Variants in CATSPER1 observed in about 807,000 individuals in gnomAD.
The protein encoded by CATSPER1 is cation channel sperm associated 1.
A neutral mutation model predicts 72.7 loss-of-function variants in CATSPER1; 57 were observed. The observed-to-expected ratio is 0.78, with a 90% CI of 0.63 to 0.98. The LOEUF (loss-of-function observed/expected upper bound fraction) is 0.98, where lower values mean the gene tolerates loss of function less well. Among genes scored for constraint, CATSPER1 ranks in the 50% least tolerant of loss-of-function variants. The probability of loss-of-function intolerance (pLI) is 0.00; values close to 1 mark genes in which losing one functional copy is unlikely to be tolerated. For synonymous variants in CATSPER1, 363 were observed against 403.0 expected (o/e 0.90, Z 1.19); for missense variants, 910 against 1,033.9 (o/e 0.88, Z 1.64).
intron 5 of CATSPER1, 21 bp downstream of exon 5, chr11:66,021,073 G>T (rs1282207206): frequency 1.2e-6 from 2 of 1,603,496 alleles, no homozygotes; most frequent in Non-Finnish European, 1.7e-6. Flanking sequence ...CCCCACCCCA[G>T]CCCCTGCAGC....
rs764683817 is a variant in CATSPER1, at chr11:66,018,887, G to A, written c.2141C>T (p.Ala714Val). Residue 714 changes from alanine (A) to valine (V), a missense_variant, in exon 10 of 12, where the codon GCG becomes GTG. Transcript: ENST00000312106. ...CCGCTTCAGCATGGTGCCTTCACTCGCCACCTCTTTGGGCTCTGGATGTAG... is the reference window on the plus strand; with the variant it reads ...CCGCTTCAGCATGGTGCCTTCACTCACCACCTCTTTGGGCTCTGGATGTAG... ...ELRAAEPKEV[A>V]SEGTMLKRLI... 1.2e-5 allele frequency: 20 copies of A among 1,613,704 alleles called. No individual in the cohort carries two copies. In the East Asian group the frequency reaches 2.7e-4, roughly 22 times the overall value.
rs561672366 is a variant in CATSPER1 at position 66,026,248 on chromosome 11, C to G, written c.132G>C (p.Glu44Asp). Residue 44 changes from glutamate to aspartate, a missense_variant, in exon 1 of 12, where the codon GAG becomes GAC. Physicochemically the swap from Glu to Asp is conservative, Grantham distance 45. Coordinates refer to ENST00000312106, the MANE Select transcript of CATSPER1 (RefSeq NM_053054.4). Reference sequence around the variant, plus strand: ...GGTGGGGCACGCCGTGATGGTGCAACTCGTAATGGTGGAGAGCTCTGCTGT... The same window carrying G: ...GGTGGGGCACGCCGTGATGGTGCAAGTCGTAATGGTGGAGAGCTCTGCTGT... ...PGHSRALHHY[E>D]LHHHGVPHQR... 19 of 1,614,018 alleles carry G rather than the reference C, an allele frequency of 1.2e-5. No homozygotes were observed. The African/African-American group carries it at 1.5e-4, about 12-fold the overall frequency.
Position 66,021,082 on chromosome 11 carries a change from G to A in CATSPER1, c.1783+12C>T. ...TCAGGCCCCCACCCCAGCCCCTGCA[G>A]CACCAGGATACAGAGGCAGGTAAAC... On this transcript the variant is annotated intron_variant, in intron 5 of 11. Transcript: ENST00000312106. 1 of 1,609,484 alleles carries A rather than the reference G, an allele frequency of 6.2e-7. No individual in the cohort carries two copies. The highest frequency in any genetic ancestry group is 1.1e-5 in the South Asian group (1 of 90,384).
At position 66,020,914 on chromosome 11, in the gene CATSPER1, A is replaced by G. The variant is rs1234548702; in HGVS notation, c.1824T>C (p.Ser608=). The change falls in exon 6 of 12, where the codon TCT becomes TCC. Residue 608 remains serine, a synonymous_variant. Transcript: ENST00000312106. This position sits in a 1 kb window ranked among gnomAD's most constrained non-coding sequence, Gnocchi z 4.5. ...SAVLRALFRK[S]DPKRFQNIFT... is the part of the protein sequence containing the mutation. ...AGATGTTCTGGAAGCGCTTGGGGTC[A>G]GATTTGCGGAACAGTGCCCGGAGGA... 6.2e-7 allele frequency: 1 copy of G among 1,613,986 alleles called. No homozygotes were observed. The highest frequency in any genetic ancestry group is 1.3e-5 in the African/African-American group (1 of 74,912).
Position 66,026,335 on chromosome 11 carries a change from G to A in CATSPER1, c.45C>T (p.Asp15=), listed in dbSNP as rs375962573. ...SVPEKAQNEA[D]TNNADRFFRS... ...GAAAGAACCTATCTGCGTTATTGGT[G>A]TCTGCCTCATTCTGAGCCTTTTCAG... The change falls in exon 1 of 12, where the codon GAC becomes GAT. Residue 15 remains aspartate (D), a synonymous_variant. Transcript: ENST00000312106. The A allele has an allele frequency of 1.2e-6, 2 of 1,614,156 alleles. No individual in the cohort carries two copies. Among genetic ancestry groups the A allele is most frequent in the Admixed American group, 1.7e-5 (1 of 60,030 alleles).
At position 66,020,779 on chromosome 11, in the gene CATSPER1, C is replaced by T. The variant is rs763720631; in HGVS notation, c.1927+32G>A. On this transcript the variant is annotated intron_variant, in intron 6 of 11. Transcript: ENST00000312106. This position sits in a 1 kb window ranked among gnomAD's most constrained non-coding sequence, Gnocchi z 4.5. ...CTGGCCGGTCCACCCCGCCAATCCC[C>T]GGCCCTCCCTGCAGCCTGGGGCCTG... The T allele has an allele frequency of 2.0e-5, 33 of 1,613,310 alleles. No homozygotes were observed. The highest frequency in any genetic ancestry group is 2.4e-5 in the Non-Finnish European group (28 of 1,179,912).
chr11:66,026,479 T>C lies in CATSPER1; in HGVS notation c.-100A>G. The C allele has an allele frequency of 6.3e-7, 1 of 1,584,574 alleles. No homozygotes were observed. The highest frequency in any genetic ancestry group is 8.6e-7 in the Non-Finnish European group (1 of 1,169,382). Reference sequence around the variant, plus strand: ...TTCCTGAGCCAAGCTCAATGCAGACTGTGGCACTGGGCTTCCAGAAAGGCC... The same window carrying C: ...TTCCTGAGCCAAGCTCAATGCAGACCGTGGCACTGGGCTTCCAGAAAGGCC... On this transcript the variant is annotated 5_prime_UTR_variant, in exon 1 of 12. Coordinates refer to ENST00000312106, the MANE Select transcript of CATSPER1 (RefSeq NM_053054.4).
chr11:66,025,236 G>A lies in CATSPER1; in HGVS notation c.1144C>T (p.His382Tyr). The A allele has an allele frequency of 6.2e-7, 1 of 1,614,184 alleles. No homozygotes were observed. Among genetic ancestry groups the A allele is most frequent in the Non-Finnish European group, 8.5e-7 (1 of 1,180,042 alleles). ...TGTTTGGTGGAGATATCCTGGGTAT[G>A]GACTTTTTTGGACATCTGGGTGACA... ...SRVTQMSKKV[H>Y]TQDISTKHSE... Residue 382 changes from histidine to tyrosine, a missense_variant, in exon 1 of 12, where the codon CAT (histidine) becomes TAT (tyrosine). His to Tyr is a moderately conservative substitution (Grantham distance 83). Coordinates refer to ENST00000312106, the MANE Select transcript of CATSPER1 (RefSeq NM_053054.4).
At chr11:66,018,314 T>C (rs886884804) in intron 10 of CATSPER1, among the ~76,000 whole-genome samples, 1 of 151,614 alleles carries the variant, frequency 6.6e-6, no homozygotes, top group African/African-American at 2.4e-5. Context: ...CAGAGATCCT[T>C]CTCATGGGGA....
At chr11:66,023,652 C>T (rs1856427682) in intron 1 of CATSPER1, among the ~76,000 whole-genome samples, 1 of 151,796 alleles carries the variant, frequency 6.6e-6, no homozygotes, top group Admixed American at 6.5e-5. Flanking sequence ...TGAGACCAGC[C>T]TGGCCAGCAA....
chr11:66,025,045 G>A (rs1281808668), intron 1 of CATSPER1, 119 bp downstream of exon 1: 13 of 1,200,602 alleles, frequency 1.1e-5, no homozygotes, highest in Non-Finnish European at 1.4e-5. Flanking sequence ...AGCCAGTGGG[G>A]GACCTGTGCA....
Position 66,025,240 on chromosome 11 carries a change from T to A in CATSPER1, c.1140A>T (p.Lys380Asn), listed in dbSNP as rs1222082922. 1 of 1,614,156 alleles carries A rather than the reference T, an allele frequency of 6.2e-7. No homozygotes were observed. Among genetic ancestry groups the A allele is most frequent in the Non-Finnish European group, 8.5e-7 (1 of 1,180,034 alleles). ...TGGTGGAGATATCCTGGGTATGGAC[T>A]TTTTTGGACATCTGGGTGACACGTG... ...IRSRVTQMSK[K>N]VHTQDISTKH... The change falls in exon 1 of 12, where the codon AAA (lysine) becomes AAT (asparagine). Residue 380 changes from lysine (K) to asparagine (N), a missense_variant. Lys to Asn is a moderately conservative substitution (Grantham distance 94, BLOSUM62 0). Transcript: ENST00000312106.
chr11:66,021,711 C>T (rs866031033), intron 3 of CATSPER1, 55 bp downstream of exon 3: 7 of 1,612,562 alleles, frequency 4.3e-6, no homozygotes, highest in Middle Eastern at 1.6e-4. Flanking sequence ...ATCCTTCTCT[C>T]GTCCCGAGCC....
rs1425710266 is a variant in CATSPER1 at position 66,022,862 on chromosome 11, G to A, written c.1416C>T (p.Val472=). 1.2e-6 allele frequency: 2 copies of A among 1,614,174 alleles called. No homozygotes were observed. The highest frequency in any genetic ancestry group is 2.2e-5 in the East Asian group (1 of 44,890). ...VMLVAQTFAE[V]EIRGEWYFMA... is the part of the protein sequence containing the mutation. ...CCTGGCTCTTACCGCCCCGGATCTCGACTTCAGCGAAGGTCTGGGCCACCA... is the reference window on the plus strand; with the variant it reads ...CCTGGCTCTTACCGCCCCGGATCTCAACTTCAGCGAAGGTCTGGGCCACCA... Residue 472 remains valine (V), a synonymous_variant, in exon 2 of 12, where the codon GTC becomes GTT. Coordinates refer to ENST00000312106, the MANE Select transcript of CATSPER1 (RefSeq NM_053054.4).
chr11:66,021,036 C>T, intron 5 of CATSPER1, 58 bp downstream of exon 5: 2 of 1,603,762 alleles, frequency 1.2e-6, no homozygotes, highest in Non-Finnish European at 1.7e-6. Context: ...CTGCTCCCCG[C>T]ACCCCTTTCA....
chr11:66,023,351 G>A (rs1856418062), intron 1 of CATSPER1, among the ~76,000 whole-genome samples: 1 of 151,516 alleles, frequency 6.6e-6, no homozygotes, highest in African/African-American at 2.4e-5. Flanking sequence ...AGATGCAGAA[G>A]AATATGGAGT....
rs770349297 is a variant in CATSPER1, at chr11:66,025,304, G to C, written c.1076C>G (p.Ser359Trp). ...FPYHVAHPRGSAHSMTRSSST... is the reference protein window; with the variant it reads ...FPYHVAHPRGWAHSMTRSSST... ...GGAGGACCGAGTCATGCTGTGAGCC[G>C]AGCCCCGTGGGTGTGCTACGTGATA... The change falls in exon 1 of 12, where the codon TCG becomes TGG. Residue 359 changes from serine to tryptophan, a missense_variant. Physicochemically the swap from Ser to Trp is radical, Grantham distance 177 (BLOSUM62 -3). Transcript: ENST00000312106. The C allele has an allele frequency of 1.2e-6, 2 of 1,614,156 alleles. No individual in the cohort carries two copies. The highest frequency in any genetic ancestry group is 1.1e-5 in the South Asian group (1 of 91,076).
Position 66,025,322 on chromosome 11 carries a change from AC to A in CATSPER1, c.1057del (p.Val353Ter). 1 of 1,614,170 alleles carries A rather than the reference AC, an allele frequency of 6.2e-7. No individual in the cohort carries two copies. The highest frequency in any genetic ancestry group is 8.5e-7 in the Non-Finnish European group (1 of 1,180,028). On this transcript the variant is annotated frameshift_variant, in exon 1 of 12. Transcript: ENST00000312106. LOFTEE classifies it high-confidence loss of function. ...ASRTGVFPYH[V>X]AHPRGSAHSM... ...GTGAGCCGAGCCCCGTGGGTGTGCT[AC>A]GTGATAGGGGAAGACTCCTGTACGA...
At chr11:66,023,088 A>G in intron 1 of CATSPER1, 27 bp from the exon 2 acceptor site, 2 of 1,603,412 alleles carry the variant, frequency 1.2e-6, no homozygotes, top group Non-Finnish European at 1.7e-6. Context: ...CAGAAAGTCA[A>G]GTGTGTGCAA....
Sources: allele counts gnomAD v4.1 joint callset (sites outside exome capture counted in the v4.1 genomes callset), GRCh38; gene constraint gnomAD v4.1.1; non-coding constraint Gnocchi (gnomAD v3.1); transcripts MANE v1.5; gene names NCBI Gene and HGNC (gene_info 2026-07-23, HGNC 2026-07-21).